The following HELQ variants were observed in gnomAD, a reference collection of about 807,000 sequenced individuals.
HELQ encodes the protein helicase, POLQ like, also known as helicase POLQ-like.
Under a neutral mutation model 111.6 loss-of-function variants are expected in HELQ, and 77 were observed. The ratio of observed to expected loss-of-function variants is 0.69; its 90% CI spans 0.57 to 0.83. The LOEUF is 0.83. Among genes scored for constraint, HELQ ranks in the 40% least tolerant of loss-of-function variants. The pLI is 0.00. For missense variants in HELQ, 1,200 were observed against 1,288.5 expected (o/e 0.93, Z 1.05); for synonymous variants, 438 against 454.7 (o/e 0.96, Z 0.47).
intron 11 of HELQ, among the ~76,000 whole-genome samples, 177 bp downstream of exon 11, chr4:83,431,487 T>A (rs1229596395): frequency 6.6e-6 from 1 of 151,072 alleles, no homozygotes; most frequent in African/African-American, 2.4e-5. Context: ...ATTATTTACA[T>A]TAATCACTGA....
chr4:83,451,675 A>C (rs544829369), intron 2 of HELQ, among the ~76,000 whole-genome samples: 1,966 of 151,852 alleles, frequency 0.013, 40 homozygotes, highest in African/African-American at 0.045. Context: ...AAAAAAAACA[A>C]AAAAACAAAA....
At chr4:83,415,916 G>A (rs1293174506) in intron 17 of HELQ, among the ~76,000 whole-genome samples, 1 of 150,440 alleles carries the variant, frequency 6.6e-6, no homozygotes, top group Non-Finnish European at 1.5e-5. Context: ...CAAAGTGCTG[G>A]GATTATAGGT....
intron 15 of HELQ, among the ~76,000 whole-genome samples, chr4:83,419,264 T>C (rs553264721): frequency 6.6e-6 from 1 of 151,018 alleles, no homozygotes; most frequent in East Asian, 1.9e-4. Flanking sequence ...AGCCAAAAGA[T>C]TGAACACCCC....
At chr4:83,411,789 C>G (rs1422410166) in intron 17 of HELQ, among the ~76,000 whole-genome samples, 1 of 151,620 alleles carries the variant, frequency 6.6e-6, no homozygotes. Flanking sequence ...GCACACATCA[C>G]CATGCCTGGC....
rs201729951 is a variant in HELQ at position 83,421,744 on chromosome 4, G to C, written c.2776-8C>G. ...AACGTTCTTGTCCACCTTCTAGAAA[G>C]ACACAATCAAATAAATTCGTTTACT... On this transcript the variant is annotated splice_polypyrimidine_tract_variant and splice_region_variant and intron_variant, in intron 14 of 17. Transcript: ENST00000295488. 317 of 1,608,546 alleles carry C rather than the reference G, an allele frequency of 2.0e-4. 1 individual carries two copies. The African/African-American group carries it at 3.8e-3, about 19-fold the overall frequency.
chr4:83,430,560 T>C (rs765018961), intron 11 of HELQ, among the ~76,000 whole-genome samples: 1 of 152,208 alleles, frequency 6.6e-6, no homozygotes, highest in Admixed American at 6.5e-5. Flanking sequence ...CCAATTTCAA[T>C]GAAATCAGCA....
intron 8 of HELQ, among the ~76,000 whole-genome samples, chr4:83,438,613 G>A (rs897362755): frequency 5.3e-5 from 8 of 151,926 alleles, no homozygotes; most frequent in Admixed American, 5.2e-4. Context: ...GTGGTGGTGT[G>A]TGCCTGTAGT....
intron 8 of HELQ, 46 bp from the exon 9 acceptor site, chr4:83,437,143 G>A: frequency 6.4e-7 from 1 of 1,569,730 alleles, no homozygotes; most frequent in Non-Finnish European, 8.7e-7. Flanking sequence ...ATCTTTTAGT[G>A]ACAAAATTTC....
rs185584273 is a variant in HELQ, at chr4:83,430,694, T to A, written c.2296-948A>T. Reference sequence around the variant, plus strand: ...ACCAATATAAGGGGTAAGAAAAATATAATGGAGCACAGACATTTTCTATTG... The same window carrying A: ...ACCAATATAAGGGGTAAGAAAAATAAAATGGAGCACAGACATTTTCTATTG... On this transcript the variant is annotated intron_variant, in intron 11 of 17. Coordinates refer to ENST00000295488, the MANE Select transcript of HELQ (RefSeq NM_133636.5). Among the ~76,000 whole-genome samples, 97 of 152,314 alleles carry A rather than the reference T, an allele frequency of 6.4e-4. 1 individual carries two copies. The highest frequency in any genetic ancestry group is 2.2e-3 in the African/African-American group (91 of 41,562).
intron 17 of HELQ, among the ~76,000 whole-genome samples, chr4:83,411,887 C>T (rs1276714816): frequency 6.6e-6 from 1 of 152,096 alleles, no homozygotes; most frequent in Non-Finnish European, 1.5e-5. Flanking sequence ...AAGTGATTCT[C>T]CCACTCTGGT....
At chr4:83,408,171 TAC>T (rs1180537427) in intron 17 of HELQ, among the ~76,000 whole-genome samples, 1 of 152,210 alleles carries the variant, frequency 6.6e-6, no homozygotes, top group East Asian at 1.9e-4. Flanking sequence ...ATTACTATAA[TAC>T]AGAGAATATC....
chr4:83,419,851 T>A (rs2109971198), intron 15 of HELQ, among the ~76,000 whole-genome samples: 1 of 152,312 alleles, frequency 6.6e-6, no homozygotes, highest in South Asian at 2.1e-4. Flanking sequence ...GAAAGCTAAA[T>A]TTGTTAAAAT....
At chr4:83,422,448 C>T (rs1719581129) in intron 14 of HELQ, among the ~76,000 whole-genome samples, 2 of 152,204 alleles carry the variant, frequency 1.3e-5, no homozygotes, top group African/African-American at 4.8e-5. Context: ...CCTGGATTTA[C>T]AGTAGGCTCT....
chr4:83,437,181 T>C (rs1720504946), intron 8 of HELQ, 84 bp from the exon 9 acceptor site: 2 of 1,276,282 alleles, frequency 1.6e-6, no homozygotes, highest in Non-Finnish European at 2.2e-6. Flanking sequence ...TAGATGCTAA[T>C]GTAAACATTC....
intron 17 of HELQ, among the ~76,000 whole-genome samples, chr4:83,413,278 C>T (rs563083833): frequency 1.8e-4 from 28 of 152,320 alleles, no homozygotes; most frequent in African/African-American, 6.3e-4. Context: ...GTTTTAGAAG[C>T]CCAGACTCCA....
chr4:83,410,686 C>A (rs892176612), intron 17 of HELQ, among the ~76,000 whole-genome samples: 1 of 152,130 alleles, frequency 6.6e-6, no homozygotes, highest in Admixed American at 6.6e-5. Flanking sequence ...GGATCTAATT[C>A]TCCTCTTGAA....
intron 5 of HELQ, among the ~76,000 whole-genome samples, chr4:83,445,643 C>T (rs1273144161): frequency 1.3e-5 from 2 of 152,122 alleles, no homozygotes; most frequent in Non-Finnish European, 2.9e-5. Flanking sequence ...ACAGTAGCAG[C>T]AGCAAACCCT....
At chr4:83,440,151 G>A (rs1290906996) in intron 7 of HELQ, 143 bp from the exon 8 acceptor site, 4 of 611,768 alleles carry the variant, frequency 6.5e-6, no homozygotes, top group Non-Finnish European at 2.8e-6. Context: ...TAAAAGAAAA[G>A]ATGAAATCTA....
In HELQ at chr4:83,429,627, G is replaced by A. The variant is rs2109985182; in HGVS notation, c.2415C>T (p.Tyr805=). Residue 805 remains tyrosine (Y), a synonymous_variant, in exon 12 of 18, where the codon TAC becomes TAT. Coordinates refer to ENST00000295488, the MANE Select transcript of HELQ (RefSeq NM_133636.5). Reference sequence around the variant, plus strand: ...TTTGTAGGAGTCCTTTTTCTGTCAGGTATCTAAGTGATTCAACAGTTATTT... The same window carrying A: ...TTTGTAGGAGTCCTTTTTCTGTCAGATATCTAAGTGATTCAACAGTTATTT... ...LWEITVESLR[Y]LTEKGLLQKD... 1 of 1,611,984 alleles carries A rather than the reference G, an allele frequency of 6.2e-7. No individual in the cohort carries two copies. Among genetic ancestry groups the A allele is most frequent in the Non-Finnish European group, 8.5e-7 (1 of 1,178,364 alleles).
Sources: gnomAD v4.1 joint callset for allele counts (sites outside exome capture counted in the v4.1 genomes callset) on GRCh38, gnomAD v4.1.1 for gene constraint, MANE v1.5 for transcripts, NCBI Gene and HGNC (gene_info 2026-07-23, HGNC 2026-07-21) for gene names.